The following RTKN2 variants were observed in gnomAD, a reference collection of about 807,000 sequenced individuals.
The protein encoded by RTKN2 is rhotekin 2.
Under a neutral mutation model 71.5 loss-of-function variants are expected in RTKN2, and 69 were observed. That is an observed-to-expected ratio of 0.96 (90% CI 0.79 to 1.18). The LOEUF (loss-of-function observed/expected upper bound fraction) is 1.18. Among genes scored for constraint, RTKN2 ranks in the 50% most tolerant of loss-of-function variants. RTKN2 has a pLI of 0.00. For synonymous variants in RTKN2, 236 were observed against 236.5 expected (o/e 1.00, Z 0.02); for missense variants, 724 against 719.7 (o/e 1.01, Z -0.07).
chr10:62,241,298 G>C, intron 3 of RTKN2, 103 bp from the exon 4 acceptor site: 1 of 650,808 alleles, frequency 1.5e-6, no homozygotes, highest in South Asian at 1.9e-5. Context: ...GACTACTATA[G>C]CTAAAATAAA....
At chr10:62,205,050 T>C in intron 9 of RTKN2, 28 bp from the exon 10 acceptor site, 1 of 1,556,524 alleles carries the variant, frequency 6.4e-7, no homozygotes, top group Non-Finnish European at 8.6e-7. Context: ...AATTGGGGTT[T>C]TGCATGAGAA....
chr10:62,235,928 A>G (rs1306088305), intron 6 of RTKN2, 138 bp downstream of exon 6: 1 of 652,922 alleles, frequency 1.5e-6, no homozygotes, highest in African/African-American at 1.8e-5. Flanking sequence ...TCAGTTGAGT[A>G]AATGTCAAAC....
At chr10:62,225,562 G>C (rs1842002722) in intron 6 of RTKN2, among the ~76,000 whole-genome samples, 1 of 152,036 alleles carries the variant, frequency 6.6e-6, no homozygotes, top group Admixed American at 6.6e-5. Context: ...CCTTCTTCTG[G>C]TTATCTACAT....
intron 8 of RTKN2, chr10:62,184,423 A>G (rs1224520268): frequency 2.6e-6 from 3 of 1,149,140 alleles, no homozygotes; most frequent in African/African-American, 3.1e-5. Flanking sequence ...AGTCACCCAC[A>G]GAGGTAAAGA....
chr10:62,204,760 T>C (rs1343732971), intron 10 of RTKN2, 97 bp downstream of exon 10: 5 of 876,084 alleles, frequency 5.7e-6, no homozygotes, highest in Non-Finnish European at 8.3e-6. Flanking sequence ...ATAAAAAATT[T>C]TTGCTACAAA....
intron 2 of RTKN2, 28 bp downstream of exon 2, chr10:62,262,597 A>C: frequency 1.4e-6 from 2 of 1,464,744 alleles, no homozygotes; most frequent in Non-Finnish European, 1.9e-6. Flanking sequence ...AAGTACATTA[A>C]AAGCCACAGG....
intron 10 of RTKN2, among the ~76,000 whole-genome samples, chr10:62,200,751 T>C (rs1841425498): frequency 6.6e-6 from 1 of 152,122 alleles, no homozygotes; most frequent in African/African-American, 2.4e-5. Flanking sequence ...AGAAAAACAC[T>C]GTATTTTCTT....
At chr10:62,188,095 T>C (rs1037449719), downstream of RTKN2, among the ~76,000 whole-genome samples, 2 of 152,208 alleles carry the variant, frequency 1.3e-5, no homozygotes, top group African/African-American at 2.4e-5. Flanking sequence ...CCCCAAAACT[T>C]AGTGGTTAAA....
intron 2 of RTKN2, among the ~76,000 whole-genome samples, chr10:62,260,311 C>T (rs1042244317): frequency 6.6e-6 from 1 of 152,180 alleles, no homozygotes; most frequent in Non-Finnish European, 1.5e-5. Flanking sequence ...GCATAATTTA[C>T]ATAACTTTCT....
Position 62,223,138 on chromosome 10 carries a change from T to C in RTKN2, c.781+100A>G, listed in dbSNP as rs182992370. 8.0e-6 allele frequency: 5 copies of C among 627,614 alleles called. No individual in the cohort carries two copies. In the Admixed American group the frequency reaches 1.3e-4, roughly 16 times the overall value. 38.9% of individuals were successfully genotyped at this position (627,614 alleles called of 1,614,324 possible). A position where few individuals can be genotyped will look rare whatever the true frequency, so the allele number is the denominator to read the frequency against. On this transcript the variant is annotated intron_variant, in intron 7 of 11. Transcript: ENST00000373789. ...TTTAAAGAACCAACAGAATCACTCA[T>C]GTCTCCATTATTTAAGCCGATATCC...
At chr10:62,240,138 T>C (rs1842343779) in intron 4 of RTKN2, among the ~76,000 whole-genome samples, 1 of 152,238 alleles carries the variant, frequency 6.6e-6, no homozygotes, top group Admixed American at 6.5e-5. Flanking sequence ...GCTGTCATTT[T>C]GGTTTCCAAG....
intron 9 of RTKN2, 96 bp from the exon 10 acceptor site, chr10:62,205,118 T>G: frequency 1.1e-6 from 1 of 931,350 alleles, no homozygotes. Context: ...TTATACCTGA[T>G]GTAACCATAA....
At chr10:62,264,339 T>G (rs1191284071) in intron 1 of RTKN2, among the ~76,000 whole-genome samples, 1 of 152,196 alleles carries the variant, frequency 6.6e-6, no homozygotes. Context: ...AATCACCACA[T>G]AAAAACCTTC....
chr10:62,261,595 G>C (rs1447958165), intron 2 of RTKN2, among the ~76,000 whole-genome samples: 1 of 152,114 alleles, frequency 6.6e-6, no homozygotes, highest in South Asian at 2.1e-4. Context: ...AGGTTGCAGT[G>C]AGCTGAGATC....
chr10:62,265,653 A>AT (rs1402718581), intron 1 of RTKN2, among the ~76,000 whole-genome samples: 2 of 150,910 alleles, frequency 1.3e-5, no homozygotes, highest in Non-Finnish European at 2.9e-5. Flanking sequence ...ACACATCTAC[A>AT]TTTTACATGC....
chr10:62,219,314 G>GGA (rs1157154446), intron 7 of RTKN2, among the ~76,000 whole-genome samples: 1 of 152,142 alleles, frequency 6.6e-6, no homozygotes, highest in Non-Finnish European at 1.5e-5. Context: ...GGGTAAAAGA[G>GGA]ATATGCCTGG....
At chr10:62,221,136 T>TGA (rs1554810561) in intron 7 of RTKN2, among the ~76,000 whole-genome samples, 8 of 147,768 alleles carry the variant, frequency 5.4e-5, no homozygotes, top group Admixed American at 2.0e-4. Flanking sequence ...AAATAAGTAC[T>TGA]AAAAAAAAAA....
intron 9 of RTKN2, among the ~76,000 whole-genome samples, chr10:62,206,770 C>T (rs1458236844): frequency 6.6e-6 from 1 of 151,878 alleles, no homozygotes; most frequent in Non-Finnish European, 1.5e-5. Flanking sequence ...TCTTTTTACA[C>T]TTCTATGTCT....
At chr10:62,260,269 T>C (rs1190033094) in intron 2 of RTKN2, among the ~76,000 whole-genome samples, 1 of 152,226 alleles carries the variant, frequency 6.6e-6, no homozygotes, top group Non-Finnish European at 1.5e-5. Flanking sequence ...GCTTAATAAG[T>C]GTTCTGCAAG....
Sources: gnomAD v4.1 joint callset for allele counts (sites outside exome capture counted in the v4.1 genomes callset) on GRCh38, gnomAD v4.1.1 for gene constraint, MANE v1.5 for transcripts, NCBI Gene and HGNC (gene_info 2026-07-23, HGNC 2026-07-21) for gene names.